The following SLC4A8 variants were observed in gnomAD, a reference collection of about 807,000 sequenced individuals.
SLC4A8 encodes electroneutral sodium bicarbonate exchanger 1.
Under a neutral mutation model 125.0 loss-of-function variants are expected in SLC4A8, and 40 were observed. The observed-to-expected ratio is 0.32, with a 90% CI of 0.25 to 0.42. The LOEUF is 0.42. Ranked by LOEUF, SLC4A8 falls within the 10% of genes least tolerant of loss-of-function variation. The probability of loss-of-function intolerance (pLI) is 1.00; values close to 1 mark genes in which losing one functional copy is unlikely to be tolerated. For missense variants in SLC4A8, 863 were observed against 1,355.1 expected (o/e 0.64, Z 5.70); for synonymous variants, 456 against 476.0 (o/e 0.96, Z 0.55).
chr12:51,483,451 C>A (rs914923649), intron 16 of SLC4A8, among the ~76,000 whole-genome samples: 7 of 148,676 alleles, frequency 4.7e-5, no homozygotes, highest in African/African-American at 1.5e-4. Context: ...GACACATTTT[C>A]TTTTTCTTTT....
intron 1 of SLC4A8, among the ~76,000 whole-genome samples, chr12:51,425,997 T>C (rs942042584): frequency 6.6e-6 from 1 of 152,204 alleles, no homozygotes; most frequent in South Asian, 2.1e-4. Context: ...TGGTGTGGTT[T>C]CTGCCTTGGA....
At chr12:51,410,460 CTTT>C (rs879520939) in intron 1 of SLC4A8, among the ~76,000 whole-genome samples, 2 of 144,642 alleles carry the variant, frequency 1.4e-5, no homozygotes, top group African/African-American at 2.5e-5. Context: ...AAATTAATCT[CTTT>C]TTTTTTTTTT....
chr12:51,392,589 A>G (rs1948156142), intron 1 of SLC4A8, among the ~76,000 whole-genome samples: 1 of 144,464 alleles, frequency 6.9e-6, no homozygotes, highest in Admixed American at 6.9e-5. Context: ...AAAAAAAAGA[A>G]AAAAAGAAAA....
At chr12:51,458,396 A>C (rs1233005551) in intron 6 of SLC4A8, among the ~76,000 whole-genome samples, 163 bp from the exon 7 acceptor site, 1 of 152,228 alleles carries the variant, frequency 6.6e-6, no homozygotes, top group Non-Finnish European at 1.5e-5. Context: ...ACTAACTAGT[A>C]GATAAGGAGA....
At chr12:51,417,496 G>A (rs937892360) in intron 1 of SLC4A8, among the ~76,000 whole-genome samples, 4 of 151,588 alleles carry the variant, frequency 2.6e-5, no homozygotes, top group Non-Finnish European at 4.4e-5. Flanking sequence ...ACAGGCATGC[G>A]CCACCATGCC....
intron 23 of SLC4A8, among the ~76,000 whole-genome samples, chr12:51,504,938 C>T (rs900833220): frequency 1.3e-5 from 2 of 152,128 alleles, no homozygotes; most frequent in Admixed American, 1.3e-4. Flanking sequence ...AGCTGAAAAA[C>T]CTAGAGGTCA....
intron 2 of SLC4A8, among the ~76,000 whole-genome samples, chr12:51,441,771 G>A (rs1256368199): frequency 2.6e-5 from 4 of 152,196 alleles, no homozygotes; most frequent in Non-Finnish European, 5.9e-5. Flanking sequence ...AACCTCCAGA[G>A]AAAACTTGTC....
At chr12:51,446,497 G>A (rs1949776706) in intron 2 of SLC4A8, among the ~76,000 whole-genome samples, 1 of 152,166 alleles carries the variant, frequency 6.6e-6, no homozygotes, top group African/African-American at 2.4e-5. Flanking sequence ...GGAAGTGGAG[G>A]GCACTATCAA....
chr12:51,402,955 T>C (rs1283204968), intron 1 of SLC4A8: 2 of 316,236 alleles, frequency 6.3e-6, no homozygotes, highest in East Asian at 7.9e-5. Context: ...GGGTCCCTGA[T>C]AGAATCCCCC....
At chr12:51,431,785 T>A (rs749494037) in intron 1 of SLC4A8, among the ~76,000 whole-genome samples, 17 of 152,190 alleles carry the variant, frequency 1.1e-4, no homozygotes, top group Non-Finnish European at 2.2e-4. Context: ...ATTGGAGGTC[T>A]GGTCAGTAAA....
At chr12:51,490,764 AG>A (rs1163262798) in intron 19 of SLC4A8, among the ~76,000 whole-genome samples, 1 of 152,086 alleles carries the variant, frequency 6.6e-6, no homozygotes, top group Non-Finnish European at 1.5e-5. Flanking sequence ...AAAGAGAGGC[AG>A]GGGCAGATCA....
chr12:51,472,770 A>G (rs1010288244), intron 14 of SLC4A8, among the ~76,000 whole-genome samples: 1 of 152,030 alleles, frequency 6.6e-6, no homozygotes, highest in African/African-American at 2.4e-5. Flanking sequence ...GCTCAAGATG[A>G]TATTTTTTTT....
intron 1 of SLC4A8, among the ~76,000 whole-genome samples, chr12:51,396,537 A>G (rs912452125): frequency 9.9e-5 from 15 of 152,192 alleles, no homozygotes; most frequent in African/African-American, 3.1e-4. Flanking sequence ...TGGACAAAGT[A>G]TCAAAAATTC....
intron 22 of SLC4A8, among the ~76,000 whole-genome samples, chr12:51,503,016 T>C (rs1273379378): frequency 6.6e-6 from 1 of 151,196 alleles, no homozygotes; most frequent in Non-Finnish European, 1.5e-5. Context: ...TAATTTTTTG[T>C]ATTTTTAGTA....
intron 16 of SLC4A8, among the ~76,000 whole-genome samples, chr12:51,478,939 G>GCCTTA (rs1555196648): frequency 4.6e-5 from 7 of 151,886 alleles, no homozygotes; most frequent in South Asian, 2.1e-4. Flanking sequence ...TCTTCCCTGT[G>GCCTTA]CCTCATCTGC....
chr12:51,432,734 C>G (rs983830886), intron 1 of SLC4A8, among the ~76,000 whole-genome samples: 1 of 151,878 alleles, frequency 6.6e-6, no homozygotes, highest in African/African-American at 2.4e-5. Flanking sequence ...AACAAACAAA[C>G]AAACAAAAAA....
chr12:51,483,151 G>C (rs1480752696), intron 16 of SLC4A8, among the ~76,000 whole-genome samples: 1 of 152,170 alleles, frequency 6.6e-6, no homozygotes, highest in African/African-American at 2.4e-5. Context: ...CCTTGGTGGA[G>C]GCTGAGCCTG....
At chr12:51,422,309 A>G (rs1035722692), upstream of SLC4A8, 5 of 152,226 alleles carry the variant, frequency 3.3e-5, no homozygotes, top group Non-Finnish European at 7.3e-5. Context: ...ATCATTTAAG[A>G]AAAATAAAGT....
chr12:51,480,543 C>G, intron 16 of SLC4A8: 1 of 988,818 alleles, frequency 1.0e-6, no homozygotes, highest in Non-Finnish European at 1.2e-6. Flanking sequence ...ATAGTACTTT[C>G]TTCCCGTAAA....
Sources: allele counts gnomAD v4.1 joint callset (sites outside exome capture counted in the v4.1 genomes callset), GRCh38; gene constraint gnomAD v4.1.1; transcripts MANE v1.5; gene names NCBI Gene and HGNC (gene_info 2026-07-23, HGNC 2026-07-21).